The following ABCC11 variants were observed in gnomAD, a reference collection of about 807,000 sequenced individuals.
ABCC11 encodes the protein ATP binding cassette subfamily C member 11, also known as ATP-binding cassette sub-family C member 11.
ABCC11 carries 135 observed loss-of-function variants against 149.3 expected under a neutral mutation model. The ratio of observed to expected loss-of-function variants is 0.90; its 90% CI spans 0.79 to 1.04. The LOEUF is 1.04. Ranked by LOEUF, ABCC11 falls within the 50% of genes least tolerant of loss-of-function variation. ABCC11 has a pLI of 0.00. For missense variants in ABCC11, 1,680 were observed against 1,722.1 expected (o/e 0.98, Z 0.43); for synonymous variants, 665 against 671.4 (o/e 0.99, Z 0.15).
At chr16:48,243,100 T>G (rs1278322109) in intron 1 of ABCC11, among the ~76,000 whole-genome samples, 1 of 149,044 alleles carries the variant, frequency 6.7e-6, no homozygotes, top group African/African-American at 2.5e-5. Context: ...GTATCAAGGT[T>G]GTAAAAAAAA....
intron 4 of ABCC11, among the ~76,000 whole-genome samples, chr16:48,227,119 G>A (rs768254120): frequency 5.9e-5 from 9 of 152,144 alleles, no homozygotes; most frequent in Non-Finnish European, 1.3e-4. Context: ...GTAATACTCA[G>A]TGCCACTGTT....
Position 48,192,644 on chromosome 16 carries a change from A to T in ABCC11, c.2582T>A (p.Phe861Tyr). 1 of 1,614,188 alleles carries T rather than the reference A, an allele frequency of 6.2e-7. No homozygotes were observed. Among genetic ancestry groups the T allele is most frequent in the Non-Finnish European group, 8.5e-7 (1 of 1,180,036 alleles). The change falls in exon 20 of 30, where the codon TTC becomes TAC. Residue 861 changes from phenylalanine (F) to tyrosine (Y), a missense_variant. Coordinates refer to ENST00000356608, the MANE Select transcript of ABCC11 (RefSeq NM_001370497.1). ...GNIADNPQLS[F>Y]YQLVYGLNAL... ...GTTGAGCCCGTACACCAGCTGGTAG[A>T]AGGACAGTTGAGGATTGTCTGCAAT...
intron 12 of ABCC11, among the ~76,000 whole-genome samples, chr16:48,208,041 C>CT (rs57987133): frequency 0.015 from 2,229 of 148,826 alleles, 42 homozygotes; most frequent in African/African-American, 0.041. Context: ...TTTTTATGCT[C>CT]TTTTTTTTTT....
chr16:48,214,186 T>G (rs1373912472), intron 9 of ABCC11, among the ~76,000 whole-genome samples: 1 of 152,120 alleles, frequency 6.6e-6, no homozygotes, highest in East Asian at 1.9e-4. Flanking sequence ...TGCCTTCGTC[T>G]AGACCTGCCT....
At chr16:48,189,661 A>G (rs1199315505) in intron 20 of ABCC11, among the ~76,000 whole-genome samples, 1 of 152,198 alleles carries the variant, frequency 6.6e-6, no homozygotes, top group Non-Finnish European at 1.5e-5. Context: ...TATTTCTAGA[A>G]TCTTGGAATG....
chr16:48,231,975 G>A, intron 1 of ABCC11, 36 bp from the exon 2 acceptor site: 1 of 1,612,076 alleles, frequency 6.2e-7, no homozygotes, highest in Non-Finnish European at 8.5e-7. Context: ...TGAAAAGACA[G>A]CAGGAGTTAG....
chr16:48,239,343 A>T (rs771315829), intron 1 of ABCC11, among the ~76,000 whole-genome samples: 2 of 152,056 alleles, frequency 1.3e-5, no homozygotes, highest in Non-Finnish European at 2.9e-5. Flanking sequence ...CGGGCGGATC[A>T]CGAGGTCAGG....
intron 1 of ABCC11, chr16:48,244,611 C>T (rs1378224920): frequency 2.0e-6 from 3 of 1,470,022 alleles, no homozygotes; most frequent in Admixed American, 2.4e-5. Context: ...GGACCTGCCG[C>T]CGCTGCACAG....
chr16:48,243,729 C>A (rs1213597320), intron 1 of ABCC11, among the ~76,000 whole-genome samples: 1 of 152,080 alleles, frequency 6.6e-6, no homozygotes, highest in African/African-American at 2.4e-5. Context: ...CGTTGGCTCA[C>A]GCCTGTAATC....
Position 48,198,281 on chromosome 16 carries a change from C to A in ABCC11, c.2083-6G>T. 1 of 1,613,926 alleles carries A rather than the reference C, an allele frequency of 6.2e-7. No homozygotes were observed. The highest frequency in any genetic ancestry group is 1.1e-5 in the South Asian group (1 of 91,082). On this transcript the variant is annotated splice_region_variant and splice_polypyrimidine_tract_variant and intron_variant, in intron 15 of 29. Coordinates refer to ENST00000356608, the MANE Select transcript of ABCC11 (RefSeq NM_001370497.1). Reference sequence around the variant, plus strand: ...TGGCCACAAAATTCTAAGTACTGGACAGTCAAAAGAAAGAAAGGCTTCAGT... The same window carrying A: ...TGGCCACAAAATTCTAAGTACTGGAAAGTCAAAAGAAAGAAAGGCTTCAGT...
chr16:48,188,220 C>T (rs971724651), intron 20 of ABCC11, among the ~76,000 whole-genome samples: 4 of 152,364 alleles, frequency 2.6e-5, no homozygotes, highest in Middle Eastern at 3.4e-3. Context: ...ACTGCCAGAA[C>T]TGCAACAGTG....
At chr16:48,213,619 C>A in intron 9 of ABCC11, 69 bp from the exon 10 acceptor site, 1 of 1,207,578 alleles carries the variant, frequency 8.3e-7, no homozygotes. Context: ...CTGTCACCCG[C>A]ATCCCTGAGC....
intron 4 of ABCC11, among the ~76,000 whole-genome samples, chr16:48,225,588 A>G (rs1003388253): frequency 2.0e-5 from 3 of 152,236 alleles, no homozygotes; most frequent in Admixed American, 1.3e-4. Context: ...AATGAAATCC[A>G]GAATTCCAGC....
intron 25 of ABCC11, among the ~76,000 whole-genome samples, 189 bp downstream of exon 25, chr16:48,176,735 A>G (rs1191328296): frequency 6.6e-6 from 1 of 152,164 alleles, no homozygotes; most frequent in African/African-American, 2.4e-5. Context: ...CGTCTCCTCC[A>G]CTGGAATCCC....
chr16:48,211,261 G>A (rs1968905081), intron 10 of ABCC11, 62 bp from the exon 11 acceptor site: 1 of 1,560,766 alleles, frequency 6.4e-7, no homozygotes. Flanking sequence ...GCAGGAATGT[G>A]TTCCCAGTTT....
intron 6 of ABCC11, among the ~76,000 whole-genome samples, chr16:48,219,025 T>C (rs191690477): frequency 9.2e-4 from 140 of 152,336 alleles, no homozygotes; most frequent in African/African-American, 3.2e-3. Flanking sequence ...CCAAAAGCTA[T>C]GTTCTACATT....
intron 11 of ABCC11, 78 bp from the exon 12 acceptor site, chr16:48,208,574 T>G: frequency 6.7e-7 from 1 of 1,495,084 alleles, no homozygotes; most frequent in South Asian, 1.2e-5. Flanking sequence ...GGCTCAACTG[T>G]TTAGAACCCA....
In ABCC11 at chr16:48,165,796, A is replaced by G. The variant is rs150409417; in HGVS notation, c.*1478T>C. 6.6e-6 allele frequency: 1 copy of G among 152,324 alleles called. No homozygotes were observed. The highest frequency in any genetic ancestry group is 2.4e-5 in the African/African-American group (1 of 41,570). The allele number at this position is 152,324 out of a possible 1,614,324, so 9.4% of individuals were successfully genotyped here. A position where few individuals can be genotyped will look rare whatever the true frequency, so the allele number is the denominator to read the frequency against. Reference sequence around the variant, plus strand: ...TATTGGTTTACTAAATTGATTTTTTATGGCATTTTTTGAAAATCAGACATC... The same window carrying G: ...TATTGGTTTACTAAATTGATTTTTTGTGGCATTTTTTGAAAATCAGACATC... On this transcript the variant is annotated 3_prime_UTR_variant, in exon 30 of 30. Transcript: ENST00000356608.
intron 20 of ABCC11, among the ~76,000 whole-genome samples, chr16:48,187,729 T>C (rs1966834126): frequency 6.6e-6 from 1 of 152,116 alleles, no homozygotes; most frequent in African/African-American, 2.4e-5. Flanking sequence ...ACTCCTCAAA[T>C]ATACTAAACA....
Sources: allele counts gnomAD v4.1 joint callset (sites outside exome capture counted in the v4.1 genomes callset), GRCh38; gene constraint gnomAD v4.1.1; transcripts MANE v1.5; gene names NCBI Gene and HGNC (gene_info 2026-07-23, HGNC 2026-07-21).